The following DGKB variants were observed in gnomAD, a reference collection of about 807,000 sequenced individuals.
The protein encoded by DGKB is diacylglycerol kinase beta, also known as 90 kDa diacylglycerol kinase.
DGKB carries 67 observed loss-of-function variants against 114.3 expected under a neutral mutation model. That is an observed-to-expected ratio of 0.59 (90% CI 0.48 to 0.72). The LOEUF (loss-of-function observed/expected upper bound fraction) is 0.72. Ranked by LOEUF, DGKB falls within the 30% of genes least tolerant of loss-of-function variation. The pLI is 0.00. For synonymous variants in DGKB, 398 were observed against 323.1 expected (o/e 1.23, Z -2.49); for missense variants, 907 against 975.2 (o/e 0.93, Z 0.93).
intron 20 of DGKB, among the ~76,000 whole-genome samples, chr7:14,572,311 G>A (rs983793962): frequency 2.6e-5 from 4 of 151,460 alleles, no homozygotes; most frequent in Admixed American, 2.6e-4. Flanking sequence ...AATTAGCCGG[G>A]CATGGTGGCG....
At chr7:14,517,536 T>C (rs1261874950) in intron 20 of DGKB, among the ~76,000 whole-genome samples, 1 of 151,938 alleles carries the variant, frequency 6.6e-6, no homozygotes, top group Non-Finnish European at 1.5e-5. Flanking sequence ...ACCTACAGAT[T>C]GGAAAAAGCT....
rs185693077 is a variant in DGKB, at chr7:14,660,766, A to G, written c.1134+12163T>C. ...GCCAAGTCAATCCTGAGCCAAAAGA[A>G]CAAAGCTGGAGGCATCACACTACCT... is the stretch of plus-strand genomic sequence containing the variant. On this transcript the variant is annotated intron_variant, in intron 13 of 25. Coordinates refer to ENST00000402815, the MANE Select transcript of DGKB (RefSeq NM_001350709.2). 5.5e-4 allele frequency among the ~76,000 whole-genome samples: 84 copies of G among 152,138 alleles called. No homozygotes were observed. In the East Asian group the frequency reaches 0.015, roughly 26 times the overall value.
chr7:14,472,727 G>A (rs1781597276), intron 21 of DGKB, among the ~76,000 whole-genome samples: 1 of 152,140 alleles, frequency 6.6e-6, no homozygotes, highest in African/African-American at 2.4e-5. Flanking sequence ...TACGGACAAT[G>A]ATATCCAGGC....
intron 6 of DGKB, among the ~76,000 whole-genome samples, chr7:14,718,081 T>A (rs1207088588): frequency 6.6e-6 from 1 of 152,192 alleles, no homozygotes. Flanking sequence ...ATTTGAGGAA[T>A]AATGTGTCTC....
intron 15 of DGKB, among the ~76,000 whole-genome samples, chr7:14,615,788 A>C (rs188848462): frequency 6.6e-6 from 1 of 151,742 alleles, no homozygotes; most frequent in African/African-American, 2.4e-5. Flanking sequence ...AAAATTGTGG[A>C]TATTATCACA....
chr7:14,555,307 A>G (rs10499452), intron 20 of DGKB, among the ~76,000 whole-genome samples: 19,478 of 152,080 alleles, frequency 0.13, 1,765 homozygotes, highest in East Asian at 0.35. Context: ...ATTCAATTCT[A>G]TTAATCTATT....
chr7:14,823,843 A>G (rs74638480), intron 2 of DGKB, among the ~76,000 whole-genome samples: 1 of 152,200 alleles, frequency 6.6e-6, no homozygotes, highest in Non-Finnish European at 1.5e-5. Flanking sequence ...AATCTATATT[A>G]ACATGACCTG....
At chr7:14,213,443 G>A (rs1351199050) in intron 23 of DGKB, among the ~76,000 whole-genome samples, 3 of 152,072 alleles carry the variant, frequency 2.0e-5, no homozygotes, top group East Asian at 1.9e-4. Context: ...TGTATGTCTG[G>A]GAAGCAAAGC....
chr7:14,493,957 CACACAT>C (rs879317557), intron 20 of DGKB, among the ~76,000 whole-genome samples: 1,937 of 151,298 alleles, frequency 0.013, 21 homozygotes, highest in Non-Finnish European at 0.02. Flanking sequence ...CACACACACA[CACACAT>C]CTATGTACAC....
intron 23 of DGKB, among the ~76,000 whole-genome samples, chr7:14,226,957 C>G (rs1790899364): frequency 1.3e-5 from 2 of 152,010 alleles, no homozygotes; most frequent in African/African-American, 4.8e-5. Context: ...AGGCTGCACT[C>G]AAACTTCTGG....
At chr7:14,612,671 A>C (rs1309539745) in intron 16 of DGKB, among the ~76,000 whole-genome samples, 1 of 151,966 alleles carries the variant, frequency 6.6e-6, no homozygotes, top group Non-Finnish European at 1.5e-5. Context: ...TGAGATTAGG[A>C]GAGTTATCTA....
intron 13 of DGKB, 99 bp from the exon 14 acceptor site, chr7:14,630,367 G>T: frequency 2.7e-6 from 2 of 744,470 alleles, no homozygotes; most frequent in South Asian, 2.3e-5. Flanking sequence ...TGAAATAAAT[G>T]AGTAAATTAA....
In DGKB at chr7:14,315,589, T is replaced by C. The variant is rs1336335573; in HGVS notation, c.2122+22926A>G. 3.8e-4 allele frequency among the ~76,000 whole-genome samples: 56 copies of C among 148,860 alleles called. 1 individual carries two copies. The highest frequency in any genetic ancestry group is 6.0e-4 in the Non-Finnish European group (40 of 66,694). Reference sequence around the variant, plus strand: ...ATTCAACAAGAAGAGCTAACTATCCTAAATATATATGCACCCAATACAGGA... The same window carrying C: ...ATTCAACAAGAAGAGCTAACTATCCCAAATATATATGCACCCAATACAGGA... On this transcript the variant is annotated intron_variant, in intron 23 of 25. Transcript: ENST00000402815.
At chr7:14,653,360 A>G (rs1357512483) in intron 13 of DGKB, among the ~76,000 whole-genome samples, 3 of 152,176 alleles carry the variant, frequency 2.0e-5, no homozygotes, top group Non-Finnish European at 4.4e-5. Context: ...TTGTAGGGAC[A>G]TGGATGAAAT....
At chr7:14,600,627 G>A (rs999499885) in intron 17 of DGKB, among the ~76,000 whole-genome samples, 1 of 152,134 alleles carries the variant, frequency 6.6e-6, no homozygotes, top group African/African-American at 2.4e-5. Context: ...GTGTACGATA[G>A]AATGGACAAT....
chr7:14,479,698 A>G (rs1782707230), intron 20 of DGKB, among the ~76,000 whole-genome samples: 1 of 152,122 alleles, frequency 6.6e-6, no homozygotes, highest in Admixed American at 6.6e-5. Context: ...TCATAAACAT[A>G]TTATACTTTA....
At chr7:14,643,123 A>G (rs1812145192) in intron 13 of DGKB, among the ~76,000 whole-genome samples, 1 of 152,200 alleles carries the variant, frequency 6.6e-6, no homozygotes, top group Non-Finnish European at 1.5e-5. Context: ...AGCCCTTCTA[A>G]GACATGGAAA....
At chr7:14,806,841 G>T (rs983777577) in intron 2 of DGKB, among the ~76,000 whole-genome samples, 7 of 151,954 alleles carry the variant, frequency 4.6e-5, no homozygotes, top group Admixed American at 1.3e-4. Context: ...GGGCAACAGG[G>T]ATAAATATAA....
intron 23 of DGKB, among the ~76,000 whole-genome samples, chr7:14,294,440 C>A (rs1271728988): frequency 6.6e-6 from 1 of 152,096 alleles, no homozygotes; most frequent in Non-Finnish European, 1.5e-5. Flanking sequence ...AGCATGGAGA[C>A]CCTGCATTGG....
Sources: allele counts gnomAD v4.1 joint callset (sites outside exome capture counted in the v4.1 genomes callset), GRCh38; gene constraint gnomAD v4.1.1; transcripts MANE v1.5; gene names NCBI Gene and HGNC (gene_info 2026-07-23, HGNC 2026-07-21).